The following FAM184A variants were observed in gnomAD, a reference collection of about 807,000 sequenced individuals.
FAM184A encodes the protein protein FAM184A.
A neutral mutation model predicts 143.8 loss-of-function variants in FAM184A; 99 were observed. That is an observed-to-expected ratio of 0.69 (90% CI 0.58 to 0.81). The LOEUF (loss-of-function observed/expected upper bound fraction) is 0.81, where lower values mean the gene tolerates loss of function less well. FAM184A is among the 40% of genes least tolerant of loss of function. The pLI, the probability that FAM184A is intolerant of heterozygous loss-of-function variation, is 0.00. For missense variants in FAM184A, 1,217 were observed against 1,310.5 expected (o/e 0.93, Z 1.10); for synonymous variants, 427 against 446.4 (o/e 0.96, Z 0.55).
chr6:118,968,264 T>TA (rs545718622), intron 14 of FAM184A, among the ~76,000 whole-genome samples: 21 of 149,496 alleles, frequency 1.4e-4, no homozygotes, highest in Admixed American at 5.3e-4. Context: ...CTGATGAGCT[T>TA]AAAAAAAAAA....
At chr6:119,008,753 G>C (rs1048134609) in intron 6 of FAM184A, among the ~76,000 whole-genome samples, 2 of 152,084 alleles carry the variant, frequency 1.3e-5, no homozygotes, top group South Asian at 2.1e-4. Flanking sequence ...CACTCTCCTT[G>C]CAACACTACA....
At chr6:118,976,130 T>C in intron 11 of FAM184A, 86 bp from the exon 12 acceptor site, 1 of 1,336,588 alleles carries the variant, frequency 7.5e-7, no homozygotes, top group Non-Finnish European at 1.0e-6. Flanking sequence ...TAAAAAATTA[T>C]TTCAAAAATT....
Position 118,961,832 on chromosome 6 carries a change from G to C in FAM184A, c.3270C>G (p.His1090Gln), listed in dbSNP as rs768989755. Residue 1090 changes from histidine to glutamine, a missense_variant, in exon 17 of 18, where the codon CAC becomes CAG. Transcript: ENST00000338891. The part of the protein sequence containing the change: ...RLDPIPNSPV[H>Q]DIEFNSSKPL... Reference sequence around the variant, plus strand: ...GTTTGCTGCTGTTGAACTCAATATCGTGGACTGGAGAATTAGGAATGGGAT... The same window carrying C: ...GTTTGCTGCTGTTGAACTCAATATCCTGGACTGGAGAATTAGGAATGGGAT... 1.2e-6 allele frequency: 2 copies of C among 1,613,852 alleles called. No homozygotes were observed. The highest frequency in any genetic ancestry group is 1.7e-6 in the Non-Finnish European group (2 of 1,179,878).
intron 9 of FAM184A, among the ~76,000 whole-genome samples, chr6:118,986,686 T>C (rs1434273298): frequency 6.6e-6 from 1 of 152,246 alleles, no homozygotes; most frequent in African/African-American, 2.4e-5. Context: ...TTTTGTTTAA[T>C]GAATAAAAAG....
chr6:119,034,019 A>AATATATATAT (rs1166841690), intron 1 of FAM184A, among the ~76,000 whole-genome samples: 1 of 63,530 alleles, frequency 1.6e-5, no homozygotes, highest in Non-Finnish European at 2.6e-5. Flanking sequence ...AAAAAAAAAA[A>AATATATATAT]ATATATATAT....
chr6:118,979,120 G>A lies in FAM184A; in HGVS notation c.2455+245C>T, dbSNP rs532590709. On this transcript the variant is annotated intron_variant, in intron 11 of 17. Coordinates refer to ENST00000338891, the MANE Select transcript of FAM184A (RefSeq NM_024581.6). ...TCCTGAGTCCACTTAGTCCAAAAAG[G>A]ACAGATTAGAGTACCAGTGGTGTTG... Among the ~76,000 whole-genome samples the A allele has an allele frequency of 2.6e-5, 4 of 152,264 alleles. No individual in the cohort carries two copies. In the East Asian group the frequency reaches 7.7e-4, roughly 29 times the overall value.
At chr6:119,052,137 T>C (rs185069891) in intron 1 of FAM184A, among the ~76,000 whole-genome samples, 1 of 152,240 alleles carries the variant, frequency 6.6e-6, no homozygotes, top group African/African-American at 2.4e-5. Flanking sequence ...CTGTAATTCC[T>C]AAATTAGTTA....
At chr6:119,073,606 G>A (rs1398293561) in intron 1 of FAM184A, among the ~76,000 whole-genome samples, 1 of 152,184 alleles carries the variant, frequency 6.6e-6, no homozygotes, top group Non-Finnish European at 1.5e-5. Context: ...CCTGGGGAGA[G>A]CTGTGGTAAC....
intron 9 of FAM184A, among the ~76,000 whole-genome samples, chr6:118,986,294 GA>G (rs112618941): frequency 7.5e-4 from 108 of 143,350 alleles, no homozygotes; most frequent in Middle Eastern, 3.5e-3. Context: ...CTCCGTCTCC[GA>G]AAAAAAAAAA....
intron 12 of FAM184A, among the ~76,000 whole-genome samples, 177 bp from the exon 13 acceptor site, chr6:118,975,385 A>AATAT (rs1415196159): frequency 3.3e-5 from 5 of 152,214 alleles, no homozygotes; most frequent in African/African-American, 1.2e-4. Context: ...CCACACATAT[A>AATAT]GTGTGTATAT....
chr6:118,985,633 C>G (rs1446637025), intron 9 of FAM184A, among the ~76,000 whole-genome samples: 1 of 152,204 alleles, frequency 6.6e-6, no homozygotes, highest in Non-Finnish European at 1.5e-5. Flanking sequence ...TCCTTCCTTT[C>G]TTCCCAGTTG....
At chr6:118,992,346 A>G (rs1784405520) in intron 9 of FAM184A, among the ~76,000 whole-genome samples, 2 of 152,170 alleles carry the variant, frequency 1.3e-5, no homozygotes, top group Admixed American at 1.3e-4. Flanking sequence ...AGCGCTGTGG[A>G]CTAAAAGTGT....
chr6:118,982,267 C>A (rs1481001639), intron 9 of FAM184A, among the ~76,000 whole-genome samples: 1 of 152,130 alleles, frequency 6.6e-6, no homozygotes, highest in Non-Finnish European at 1.5e-5. Context: ...ACCGGTAGAG[C>A]CGTTCTCTTC....
intron 1 of FAM184A, among the ~76,000 whole-genome samples, chr6:119,084,539 T>C (rs1273250894): frequency 1.3e-5 from 2 of 152,202 alleles, no homozygotes; most frequent in African/African-American, 4.8e-5. Context: ...TGGGCTGGCA[T>C]CAAGTGCCTG....
At chr6:118,976,919 T>C (rs1350782880) in intron 11 of FAM184A, among the ~76,000 whole-genome samples, 1 of 152,146 alleles carries the variant, frequency 6.6e-6, no homozygotes, top group Non-Finnish European at 1.5e-5. Flanking sequence ...GGTGAGGATG[T>C]GAGCAAAATT....
intron 1 of FAM184A, among the ~76,000 whole-genome samples, chr6:119,060,685 G>C (rs1787197266): frequency 6.6e-6 from 1 of 152,148 alleles, no homozygotes. Flanking sequence ...TGGATCATGA[G>C]GGTGGTTTCT....
intron 1 of FAM184A, among the ~76,000 whole-genome samples, chr6:119,104,968 A>G (rs558425775): frequency 5.6e-4 from 85 of 152,294 alleles, no homozygotes; most frequent in African/African-American, 1.9e-3. Flanking sequence ...AGAAAAACAT[A>G]AGGTAAATTT....
intron 1 of FAM184A, among the ~76,000 whole-genome samples, chr6:119,088,153 AG>A (rs149869469): frequency 1.4e-4 from 22 of 152,324 alleles, no homozygotes; most frequent in African/African-American, 5.3e-4. Flanking sequence ...AAAAAGGTCC[AG>A]AAATGAATGG....
chr6:119,001,213 A>G (rs986542820), intron 9 of FAM184A, among the ~76,000 whole-genome samples: 2 of 149,810 alleles, frequency 1.3e-5, no homozygotes, highest in African/African-American at 4.9e-5. Context: ...TTGTTTTCTT[A>G]ATTTTCTTCA....
Sources: gnomAD v4.1 joint callset for allele counts (sites outside exome capture counted in the v4.1 genomes callset) on GRCh38, gnomAD v4.1.1 for gene constraint, MANE v1.5 for transcripts, NCBI Gene and HGNC (gene_info 2026-07-23, HGNC 2026-07-21) for gene names.